Variants in SH3D19 observed in about 807,000 individuals in gnomAD.
The protein encoded by SH3D19 is SH3 domain containing 19.
In SH3D19, 58 loss-of-function variants were observed where a neutral mutation model predicts 112.1. The observed-to-expected ratio is 0.52, with a 90% confidence interval of 0.42 to 0.64. The LOEUF is 0.64. Among genes scored for constraint, SH3D19 ranks in the 30% least tolerant of loss-of-function variants. SH3D19 has a pLI of 0.00. For synonymous variants in SH3D19, 391 were observed against 448.5 expected (o/e 0.87, Z 1.62); for missense variants, 1,090 against 1,263.4 (o/e 0.86, Z 2.08).
At chr4:151,221,742 C>T (rs1407597861) in intron 2 of SH3D19, among the ~76,000 whole-genome samples, 1 of 152,134 alleles carries the variant, frequency 6.6e-6, no homozygotes, top group Non-Finnish European at 1.5e-5. Flanking sequence ...TCCTAAAGAA[C>T]TTGACAGTAT....
At chr4:151,131,247 T>A (rs1303330949) in intron 17 of SH3D19, among the ~76,000 whole-genome samples, 1 of 151,768 alleles carries the variant, frequency 6.6e-6, no homozygotes, top group Non-Finnish European at 1.5e-5. Context: ...AAACCCTATC[T>A]CATTTTTTAT....
At chr4:151,140,721 T>G (rs1752835306) in intron 12 of SH3D19, 1 of 152,254 alleles carries the variant, frequency 6.6e-6, no homozygotes, top group Non-Finnish European at 1.5e-5. Flanking sequence ...GGCAGATTTT[T>G]GTGCCCTTTC....
chr4:151,240,350 G>A (rs1561393423), intron 1 of SH3D19, among the ~76,000 whole-genome samples: 1 of 151,732 alleles, frequency 6.6e-6, no homozygotes, highest in Admixed American at 6.6e-5. Flanking sequence ...ATTCAAGGCT[G>A]CAGTGAGCTA....
intron 1 of SH3D19, among the ~76,000 whole-genome samples, chr4:151,275,647 A>G (rs1362948014): frequency 1.3e-5 from 2 of 152,028 alleles, no homozygotes; most frequent in Non-Finnish European, 2.9e-5. Context: ...CAGCCTCCCG[A>G]GTAGCTGGGG....
intron 2 of SH3D19, among the ~76,000 whole-genome samples, chr4:151,199,211 T>C (rs994724101): frequency 5.9e-5 from 9 of 152,190 alleles, no homozygotes; most frequent in African/African-American, 2.2e-4. Flanking sequence ...ATTATTAATA[T>C]ATTATGTATC....
chr4:151,145,839 AC>A (rs1242610801), intron 11 of SH3D19, among the ~76,000 whole-genome samples: 1 of 152,216 alleles, frequency 6.6e-6, no homozygotes, highest in Non-Finnish European at 1.5e-5. Flanking sequence ...TGGGCATGTT[AC>A]TTTATGTCTC....
chr4:151,139,692 T>C (rs1355744501), intron 13 of SH3D19, 83 bp downstream of exon 13: 20 of 1,217,698 alleles, frequency 1.6e-5, no homozygotes, highest in Non-Finnish European at 2.4e-5. Flanking sequence ...AAGAAGGATG[T>C]CCTTGAGAGG....
At chr4:151,155,326 C>T (rs1238532272) in intron 9 of SH3D19, among the ~76,000 whole-genome samples, 1 of 152,198 alleles carries the variant, frequency 6.6e-6, no homozygotes, top group Non-Finnish European at 1.5e-5. Flanking sequence ...TTACCAGCTA[C>T]TTTGAAAATC....
chr4:151,137,192 A>C (rs1752052398), intron 14 of SH3D19, among the ~76,000 whole-genome samples: 3 of 152,194 alleles, frequency 2.0e-5, no homozygotes, highest in Admixed American at 1.3e-4. Flanking sequence ...AATTTTCCTA[A>C]TCAGATTAGA....
intron 2 of SH3D19, among the ~76,000 whole-genome samples, chr4:151,215,602 G>T (rs1286990271): frequency 6.6e-6 from 1 of 152,172 alleles, no homozygotes; most frequent in South Asian, 2.1e-4. Context: ...TGCCTTAAAT[G>T]TTGCTGCATT....
At chr4:151,296,661 T>G (rs577179112) in intron 1 of SH3D19, among the ~76,000 whole-genome samples, 1 of 152,336 alleles carries the variant, frequency 6.6e-6, no homozygotes, top group Admixed American at 6.5e-5. Context: ...AATATAAATT[T>G]GCAGAATATT....
intron 1 of SH3D19, among the ~76,000 whole-genome samples, chr4:151,257,755 A>G (rs1772048153): frequency 6.6e-6 from 1 of 152,126 alleles, no homozygotes; most frequent in African/African-American, 2.4e-5. Context: ...TATCTCTACA[A>G]AAAATTAGCC....
At chr4:151,300,067 G>A (rs1039098484) in intron 1 of SH3D19, among the ~76,000 whole-genome samples, 6 of 152,052 alleles carry the variant, frequency 3.9e-5, no homozygotes, top group Admixed American at 1.3e-4. Flanking sequence ...CAGGCGTGGT[G>A]GTGCATGCCT....
At chr4:151,280,049 T>G in intron 1 of SH3D19, 1 of 712,336 alleles carries the variant, frequency 1.4e-6, no homozygotes, top group South Asian at 2.4e-5. Context: ...ATGAAAGTGG[T>G]AAAATAGGCA....
intron 1 of SH3D19, among the ~76,000 whole-genome samples, chr4:151,283,508 C>CT (rs5862956): frequency 0.047 from 6,003 of 126,456 alleles, 476 homozygotes; most frequent in African/African-American, 0.17. Context: ...GGTCATTGGA[C>CT]TTTTTTTTTT....
At chr4:151,268,003 G>A (rs565456099) in intron 1 of SH3D19, among the ~76,000 whole-genome samples, 1 of 152,320 alleles carries the variant, frequency 6.6e-6, no homozygotes, top group South Asian at 2.1e-4. Flanking sequence ...CTAAGTACAT[G>A]ACATGTTGCT....
At chr4:151,143,847 A>C (rs1384526454) in intron 12 of SH3D19, 63 bp downstream of exon 12, 37 of 1,506,588 alleles carry the variant, frequency 2.5e-5, no homozygotes, top group Non-Finnish European at 3.2e-5. Flanking sequence ...AGATATAATT[A>C]ATAGTTCCAT....
intron 13 of SH3D19, among the ~76,000 whole-genome samples, 197 bp from the exon 14 acceptor site, chr4:151,138,059 A>C (rs1277280198): frequency 6.6e-6 from 1 of 152,176 alleles, no homozygotes; most frequent in Admixed American, 6.5e-5. Context: ...TTTAAAGACC[A>C]AATTAGACAC....
chr4:151,194,145 C>G (rs1467764717), intron 2 of SH3D19, among the ~76,000 whole-genome samples: 2 of 150,648 alleles, frequency 1.3e-5, no homozygotes, highest in Non-Finnish European at 2.9e-5. Flanking sequence ...CCTGCCTCAG[C>G]CTCCCAAGTA....
Sources: gnomAD v4.1 joint callset for allele counts (sites outside exome capture counted in the v4.1 genomes callset) on GRCh38, gnomAD v4.1.1 for gene constraint, MANE v1.5 for transcripts, NCBI Gene and HGNC (gene_info 2026-07-23, HGNC 2026-07-21) for gene names.